NUBP1: variants seen among roughly 807,000 people sequenced by gnomAD.
The protein encoded by NUBP1 is cytosolic Fe-S cluster assembly factor NUBP1.
Under a neutral mutation model 41.8 loss-of-function variants are expected in NUBP1, and 46 were observed. That is an observed-to-expected ratio of 1.10 (90% CI 0.87 to 1.41). The LOEUF (loss-of-function observed/expected upper bound fraction) is 1.41, where lower values mean the gene tolerates loss of function less well. NUBP1 is among the 40% of genes most tolerant of loss of function. The pLI is 0.00. For missense variants in NUBP1, 494 were observed against 414.0 expected (o/e 1.19, Z -1.68); for synonymous variants, 189 against 154.6 (o/e 1.22, Z -1.65).
At chr16:10,747,345 A>G in intron 3 of NUBP1, 69 bp downstream of exon 3, 1 of 1,583,056 alleles carries the variant, frequency 6.3e-7, no homozygotes, top group Non-Finnish European at 8.6e-7. Flanking sequence ...TAAATAACTG[A>G]TTCCTAGGCC....
At chr16:10,763,980 G>A (rs568238944) in intron 9 of NUBP1, 66 of 186,448 alleles carry the variant, frequency 3.5e-4, no homozygotes, top group Admixed American at 7.9e-4. Context: ...CTCAGGCCAC[G>A]GGAGCATCCC....
At chr16:10,761,300 G>A (rs765283235) in intron 7 of NUBP1, 64 bp from the exon 8 acceptor site, 87 of 1,470,600 alleles carry the variant, frequency 5.9e-5, no homozygotes, top group Non-Finnish European at 8.1e-5. Context: ...CATCCCCTCG[G>A]TTGCACAGAC....
intron 4 of NUBP1, among the ~76,000 whole-genome samples, chr16:10,755,511 C>A (rs964640273): frequency 1.4e-4 from 21 of 152,198 alleles, no homozygotes; most frequent in Non-Finnish European, 2.2e-4. Context: ...TTCCAAATAA[C>A]CCAGCTTAGG....
chr16:10,755,698 C>T (rs1900514719), intron 4 of NUBP1, 23 bp from the exon 5 acceptor site: 6 of 1,613,166 alleles, frequency 3.7e-6, no homozygotes, highest in African/African-American at 1.3e-5. Context: ...TACTAATGAA[C>T]ATCGGTGCTC....
At chr16:10,744,396 G>T (rs1899967025) in intron 2 of NUBP1, among the ~76,000 whole-genome samples, 1 of 152,232 alleles carries the variant, frequency 6.6e-6, no homozygotes, top group African/African-American at 2.4e-5. Flanking sequence ...ATAACAGACC[G>T]CAGAGAAAAA....
At chr16:10,745,660 T>G (rs577869179) in intron 2 of NUBP1, among the ~76,000 whole-genome samples, 1 of 152,218 alleles carries the variant, frequency 6.6e-6, no homozygotes, top group Non-Finnish European at 1.5e-5. Flanking sequence ...GGAAAAAGCA[T>G]GCAGGAAAAA....
chr16:10,762,084 G>A (rs554565293), intron 9 of NUBP1: 1 of 475,936 alleles, frequency 2.1e-6, no homozygotes, highest in Non-Finnish European at 3.8e-6. Flanking sequence ...AGGCAGAGGG[G>A]TGAGGCCTGG....
intron 7 of NUBP1, among the ~76,000 whole-genome samples, chr16:10,758,268 C>T (rs576966153): frequency 2.0e-5 from 3 of 152,222 alleles, no homozygotes; most frequent in African/African-American, 7.2e-5. Flanking sequence ...CCCACGAGTT[C>T]GGGACCAGCC....
Position 10,757,815 on chromosome 16 carries a change from G to A in NUBP1, c.452-58G>A. ...CCATCCTTTAAAAAAAAAAGAGGGA[G>A]TTGAAAGTACAGAAAAGAAAGGAAA... On this transcript the variant is annotated intron_variant, in intron 6 of 10. Transcript: ENST00000283027. This position sits in a 1 kb window ranked among gnomAD's most constrained non-coding sequence, Gnocchi z 4.1. The A allele has an allele frequency of 1.3e-6, 2 of 1,580,428 alleles. No individual in the cohort carries two copies. The highest frequency in any genetic ancestry group is 1.7e-6 in the Non-Finnish European group (2 of 1,157,486).
intron 5 of NUBP1, among the ~76,000 whole-genome samples, 189 bp downstream of exon 5, chr16:10,755,942 C>T (rs991422224): frequency 6.6e-6 from 1 of 152,182 alleles, no homozygotes; most frequent in Non-Finnish European, 1.5e-5. Flanking sequence ...AGCATGTGGG[C>T]CTACATTCCT....
intron 3 of NUBP1, among the ~76,000 whole-genome samples, chr16:10,747,590 G>T (rs1366031704): frequency 6.6e-6 from 1 of 152,200 alleles, no homozygotes; most frequent in Non-Finnish European, 1.5e-5. Flanking sequence ...AGTCAAGATT[G>T]TACCAGTGTA....
chr16:10,744,257 G>A (rs954203444), intron 2 of NUBP1, among the ~76,000 whole-genome samples, 192 bp downstream of exon 2: 27 of 152,336 alleles, frequency 1.8e-4, no homozygotes, highest in Non-Finnish European at 1.9e-4. Context: ...AGCTTGGAAT[G>A]ACTGACAGGA....
chr16:10,752,491 A>T, intron 3 of NUBP1, 119 bp from the exon 4 acceptor site: 1 of 744,586 alleles, frequency 1.3e-6, no homozygotes, highest in Non-Finnish European at 2.3e-6. Flanking sequence ...CTCCAAGTTT[A>T]ACCCAGTTTC....
At chr16:10,758,604 G>A (rs1336566384) in intron 7 of NUBP1, among the ~76,000 whole-genome samples, 1 of 152,120 alleles carries the variant, frequency 6.6e-6, no homozygotes, top group Non-Finnish European at 1.5e-5. Flanking sequence ...AACTTTCCTT[G>A]AGGAAACTAG....
At chr16:10,750,403 A>G (rs1378787019) in intron 3 of NUBP1, among the ~76,000 whole-genome samples, 1 of 152,142 alleles carries the variant, frequency 6.6e-6, no homozygotes, top group Admixed American at 6.5e-5. Context: ...CACCACACCC[A>G]GCTAATTTTT....
chr16:10,756,694 T>G lies in NUBP1; in HGVS notation c.365T>G (p.Val122Gly). Residue 122 changes from valine (V) to glycine (G), a missense_variant, in exon 6 of 11, where the codon GTG becomes GGG. Transcript: ENST00000283027. ...CTCACCCTGTTCCCTCTGCAGTACG[T>G]GGAAGACAACCTGGGGGTGATGTCA... is the stretch of plus-strand genomic sequence containing the variant. ...QSGSGWSPVY[V>G]EDNLGVMSVG... 1 of 1,567,638 alleles carries G rather than the reference T, an allele frequency of 6.4e-7. No homozygotes were observed.
At chr16:10,755,833 A>G (rs1596455645) in intron 5 of NUBP1, 80 bp downstream of exon 5, 6 of 1,330,454 alleles carry the variant, frequency 4.5e-6, no homozygotes, top group Non-Finnish European at 6.5e-6. Flanking sequence ...TTGTTGGTCC[A>G]TAGGTATTTA....
In NUBP1 at chr16:10,743,979, G is replaced by C. The variant is rs532994358; in HGVS notation, c.38G>C (p.Ser13Thr). The C allele has an allele frequency of 5.7e-6, 9 of 1,581,858 alleles. No individual in the cohort carries two copies. In the East Asian group the frequency reaches 2.1e-4, roughly 37 times the overall value. The change falls in exon 2 of 11, where the codon AGC (serine) becomes ACC (threonine). Residue 13 changes from serine to threonine, a missense_variant. Coordinates refer to ENST00000283027, the MANE Select transcript of NUBP1 (RefSeq NM_002484.4). The part of the protein sequence containing the change: ...EVPHDCPGAD[S>T]AQAGRGASCQ... ...TGCGCAGACTGTCCAGGGGCCGACA[G>C]CGCCCAGGCGGGCAGAGGGGCTTCA...
Position 10,761,805 on chromosome 16 carries a change from T to C in NUBP1, c.766T>C (p.Cys256Arg), listed in dbSNP as rs1220739824. Reference protein sequence around the residue: ...PPTTGGAELMCQDLEVPLLGR... With the variant: ...PPTTGGAELMRQDLEVPLLGR... ...CACAACCGGGGGCGCGGAGCTCATG[T>C]GCCAGGACTTGGAGGTCCCTCTCCT... Residue 256 changes from cysteine (C) to arginine (R), a missense_variant, in exon 9 of 11, where the codon TGC becomes CGC. Coordinates refer to ENST00000283027, the MANE Select transcript of NUBP1 (RefSeq NM_002484.4). 1 of 1,614,138 alleles carries C rather than the reference T, an allele frequency of 6.2e-7. No individual in the cohort carries two copies. The highest frequency in any genetic ancestry group is 1.1e-5 in the South Asian group (1 of 91,086).
Sources: gnomAD v4.1 joint callset for allele counts (sites outside exome capture counted in the v4.1 genomes callset) on GRCh38, gnomAD v4.1.1 for gene constraint, Gnocchi (gnomAD v3.1) non-coding constraint, MANE v1.5 for transcripts, NCBI Gene and HGNC (gene_info 2026-07-23, HGNC 2026-07-21) for gene names.